Variants in CCDC175 observed in about 807,000 individuals in gnomAD.
CCDC175 encodes the protein coiled-coil domain containing 175, also known as coiled-coil domain-containing protein 175.
A neutral mutation model predicts 114.6 loss-of-function variants in CCDC175; 100 were observed. The observed-to-expected ratio is 0.87, with a 90% confidence interval of 0.74 to 1.03. CCDC175 has a LOEUF of 1.03. Among genes scored for constraint, CCDC175 ranks in the 50% least tolerant of loss-of-function variants. The pLI, the probability that CCDC175 is intolerant of heterozygous loss-of-function variation, is 0.00. For missense variants in CCDC175, 880 were observed against 917.8 expected (o/e 0.96, Z 0.53); for synonymous variants, 306 against 308.7 (o/e 0.99, Z 0.09).
intron 14 of CCDC175, among the ~76,000 whole-genome samples, chr14:59,529,216 A>G (rs1248271913): frequency 2.0e-5 from 3 of 152,200 alleles, no homozygotes; most frequent in South Asian, 4.1e-4. Flanking sequence ...GTAAGGGATT[A>G]TGGAAGAGTT....
At chr14:59,569,944 T>A (rs1896756028) in intron 3 of CCDC175, among the ~76,000 whole-genome samples, 1 of 152,192 alleles carries the variant, frequency 6.6e-6, no homozygotes, top group South Asian at 2.1e-4. Flanking sequence ...AAACAGCACC[T>A]GGAGACCTGG....
chr14:59,558,224 G>A (rs1299511752), intron 7 of CCDC175, among the ~76,000 whole-genome samples: 1 of 152,174 alleles, frequency 6.6e-6, no homozygotes, highest in East Asian at 1.9e-4. Context: ...ACTTGATCAT[G>A]TAGGGTGTTA....
chr14:59,547,165 G>T (rs1895162004), intron 8 of CCDC175, among the ~76,000 whole-genome samples: 1 of 152,132 alleles, frequency 6.6e-6, no homozygotes, highest in Admixed American at 6.5e-5. Flanking sequence ...AAATCCCAAG[G>T]AGGAAAAATG....
At chr14:59,536,477 C>T (rs970618684) in intron 13 of CCDC175, among the ~76,000 whole-genome samples, 1 of 151,992 alleles carries the variant, frequency 6.6e-6, no homozygotes, top group African/African-American at 2.4e-5. Flanking sequence ...TAGAAAGCTC[C>T]ATAAAGGCAG....
intron 11 of CCDC175, among the ~76,000 whole-genome samples, chr14:59,540,415 C>T (rs1182834137): frequency 1.3e-5 from 2 of 151,336 alleles, no homozygotes; most frequent in Non-Finnish European, 2.9e-5. Flanking sequence ...GAGCAAAAGG[C>T]ATTGCACAAA....
intron 7 of CCDC175, among the ~76,000 whole-genome samples, chr14:59,555,070 T>C (rs1273418227): frequency 6.6e-6 from 1 of 152,204 alleles, no homozygotes; most frequent in African/African-American, 2.4e-5. Context: ...CTTCTGAAAC[T>C]ATTCCAATCA....
chr14:59,509,010 C>T (rs962809651), intron 19 of CCDC175, among the ~76,000 whole-genome samples: 3 of 152,126 alleles, frequency 2.0e-5, no homozygotes, highest in African/African-American at 4.8e-5. Context: ...TTTGGGTGGT[C>T]TTTTTATTTA....
intron 9 of CCDC175, among the ~76,000 whole-genome samples, chr14:59,543,901 C>T (rs1395539097): frequency 1.3e-5 from 2 of 152,210 alleles, no homozygotes; most frequent in African/African-American, 2.4e-5. Context: ...TGCTCCATGT[C>T]TCTGAGTGGG....
chr14:59,552,801 G>A (rs1425524303), intron 7 of CCDC175, among the ~76,000 whole-genome samples: 3 of 152,198 alleles, frequency 2.0e-5, no homozygotes, highest in Admixed American at 6.5e-5. Context: ...ACCATGGTAC[G>A]TGAACTACGT....
At chr14:59,544,720 T>C (rs1895000825) in intron 9 of CCDC175, among the ~76,000 whole-genome samples, 1 of 152,150 alleles carries the variant, frequency 6.6e-6, no homozygotes, top group African/African-American at 2.4e-5. Flanking sequence ...AGGAACATTG[T>C]GGGGCATTAG....
Position 59,551,380 on chromosome 14 carries a change from T to C in CCDC175, c.1010A>G (p.Asn337Ser), listed in dbSNP as rs1041988103. 8.1e-5 allele frequency: 116 copies of C among 1,439,272 alleles called. No individual in the cohort carries two copies. Among genetic ancestry groups the C allele is most frequent in the Non-Finnish European group, 1.0e-4 (111 of 1,076,982 alleles). 89.2% of individuals were successfully genotyped at this position (1,439,272 alleles called of 1,614,324 possible). The change falls in exon 8 of 20, where the codon AAT (asparagine) becomes AGT (serine). Residue 337 changes from asparagine (N) to serine (S), a missense_variant. Asn to Ser is a conservative substitution (Grantham distance 46). Transcript: ENST00000537690. ...KLDDISNDEKNEFLNKIKQLV... is the reference protein window; with the variant it reads ...KLDDISNDEKSEFLNKIKQLV... The stretch of plus-strand genomic sequence containing the variant: ...CTGTTTTATCTTGTTCAGGAATTCA[T>C]TTTTTTCATCATTAGATATATCATC...
Position 59,511,757 on chromosome 14 carries a change from CACCTT to C in CCDC175, c.2140_2142+2del, listed in dbSNP as rs1194361380. 6.5e-6 allele frequency: 10 copies of C among 1,535,998 alleles called. No individual in the cohort carries two copies. Among genetic ancestry groups the C allele is most frequent in the Non-Finnish European group, 8.7e-6 (10 of 1,145,972 alleles). On this transcript the variant is annotated splice_donor_variant and coding_sequence_variant, in exon 18 of 20. Transcript: ENST00000537690. LOFTEE classifies it high-confidence loss of function. ...GGAGGCAACAGACACACGCAAAACT[CACCTT>C]AACTGTGGTCTGAAATTCAGCCCAC...
intron 16 of CCDC175, among the ~76,000 whole-genome samples, chr14:59,523,262 A>T (rs756578730): frequency 1.2e-4 from 19 of 152,256 alleles, no homozygotes; most frequent in Non-Finnish European, 2.6e-4. Context: ...CAATGATGGT[A>T]TGTATCTAGG....
At chr14:59,550,770 C>T (rs4901938) in intron 8 of CCDC175, among the ~76,000 whole-genome samples, 43,208 of 151,850 alleles carry the variant, frequency 0.28, 6,390 homozygotes, top group South Asian at 0.4. Flanking sequence ...TCACGTTTTT[C>T]TGCCTGCTTT....
chr14:59,542,182 T>A (rs1224417232), intron 10 of CCDC175, among the ~76,000 whole-genome samples: 1 of 152,194 alleles, frequency 6.6e-6, no homozygotes, highest in Non-Finnish European at 1.5e-5. Context: ...AAAGGTCTAG[T>A]TCAAATTTTA....
At position 59,517,493 on chromosome 14, in the gene CCDC175, T is replaced by G. The variant is rs1893164463; in HGVS notation, c.2098+4081A>C. 1.3e-5 allele frequency among the ~76,000 whole-genome samples: 2 copies of G among 152,144 alleles called. 1 individual carries two copies. The highest frequency in any genetic ancestry group is 4.1e-4 in the South Asian group (2 of 4,830). On this transcript the variant is annotated intron_variant, in intron 17 of 19. Transcript: ENST00000537690. ...AAAGTCTCAGGATACAAAATCAATGTGCAAAAATCACAAGCATTCTTATAC... is the reference window on the plus strand; with the variant it reads ...AAAGTCTCAGGATACAAAATCAATGGGCAAAAATCACAAGCATTCTTATAC...
intron 1 of CCDC175, among the ~76,000 whole-genome samples, chr14:59,575,326 T>C (rs746808615): frequency 6.6e-6 from 1 of 152,174 alleles, no homozygotes; most frequent in Non-Finnish European, 1.5e-5. Context: ...GTTCTGAGTG[T>C]CTAGACATTA....
chr14:59,548,267 G>C (rs569667391), intron 8 of CCDC175, among the ~76,000 whole-genome samples: 1 of 152,152 alleles, frequency 6.6e-6, no homozygotes, highest in Non-Finnish European at 1.5e-5. Flanking sequence ...CAGAAGTAGA[G>C]AGTAGAATGG....
chr14:59,510,438 A>C (rs771636366), intron 19 of CCDC175: 1 of 485,414 alleles, frequency 2.1e-6, no homozygotes, highest in South Asian at 3.1e-5. Flanking sequence ...AGTTATCTAG[A>C]AAATTCTCTT....
Sources: allele counts gnomAD v4.1 joint callset (sites outside exome capture counted in the v4.1 genomes callset), GRCh38; gene constraint gnomAD v4.1.1; transcripts MANE v1.5; gene names NCBI Gene and HGNC (gene_info 2026-07-23, HGNC 2026-07-21).